KLHL25: variants seen among roughly 807,000 people sequenced by gnomAD.
KLHL25 encodes kelch like family member 25.
Under a neutral mutation model 30.0 loss-of-function variants are expected in KLHL25, and 41 were observed. The ratio of observed to expected loss-of-function variants is 1.37; its 90% CI spans 1.07 to 1.78. The LOEUF (loss-of-function observed/expected upper bound fraction) is 1.78, where lower values mean the gene tolerates loss of function less well. Ranked by LOEUF, KLHL25 falls within the 40% of genes most tolerant of loss-of-function variation. The pLI is 0.00. For missense variants in KLHL25, 971 were observed against 824.5 expected, an observed-to-expected ratio of 1.18 and a Z score of -2.18; for synonymous variants, 399 against 355.3, an observed-to-expected ratio of 1.12 and a Z score of -1.38.
chr15:85,778,471 C>G (rs1011416674), intron 1 of KLHL25, among the ~76,000 whole-genome samples: 1 of 152,234 alleles, frequency 6.6e-6, no homozygotes, highest in Non-Finnish European at 1.5e-5. Flanking sequence ...CAGCACTTCA[C>G]GTGTTAACTC....
At chr15:85,779,771 A>C (rs1198303844) in intron 1 of KLHL25, among the ~76,000 whole-genome samples, 10 of 152,200 alleles carry the variant, frequency 6.6e-5, no homozygotes, top group Non-Finnish European at 1.5e-4. Flanking sequence ...AGCCCTCAGG[A>C]ACCTTAGTCT....
At chr15:85,766,915 C>A (rs73456384) in intron 2 of KLHL25, among the ~76,000 whole-genome samples, 6,230 of 152,238 alleles carry the variant, frequency 0.041, 411 homozygotes, top group African/African-American at 0.14. Context: ...TCCCACCATG[C>A]AGGCTTTGGT....
chr15:85,763,153 G>C (rs1243041185), intron 2 of KLHL25: 4 of 152,464 alleles, frequency 2.6e-5, no homozygotes, highest in Admixed American at 2.6e-4. Context: ...ATCACCCTTA[G>C]TGGGTAAGCG....
chr15:85,794,175 G>A (rs977062370), intron 1 of KLHL25, among the ~76,000 whole-genome samples: 2 of 152,236 alleles, frequency 1.3e-5, no homozygotes, highest in African/African-American at 4.8e-5. Flanking sequence ...ACAGGTGGGT[G>A]TGCCTTTGAG....
chr15:85,791,564 T>G (rs2089817002), intron 1 of KLHL25, among the ~76,000 whole-genome samples: 1 of 151,974 alleles, frequency 6.6e-6, no homozygotes, highest in Non-Finnish European at 1.5e-5. Context: ...GGGACAGGGC[T>G]TGGAAGGAAA....
intron 2 of KLHL25, 144 bp downstream of exon 2, chr15:85,767,873 T>G: frequency 1.7e-6 from 1 of 586,494 alleles, no homozygotes; most frequent in Non-Finnish European, 3.0e-6. Flanking sequence ...AGCCAGGATT[T>G]GACTCCAGAG....
chr15:85,787,709 C>T (rs562147843), intron 1 of KLHL25, among the ~76,000 whole-genome samples: 7 of 152,200 alleles, frequency 4.6e-5, no homozygotes, highest in South Asian at 2.1e-4. Context: ...AATATGACGA[C>T]GCTGTGAAAA....
In KLHL25 at chr15:85,794,789, G is replaced by T. The variant is rs1033347779; in HGVS notation, c.-34C>A. On this transcript the variant is annotated 5_prime_UTR_variant, in exon 1 of 3. Transcript: ENST00000337975. ...ACTGCCGGAGACGATCCCCGCCGCC[G>T]CCGCCGCCTCAGAGACCACTCCCGG... is the stretch of plus-strand genomic sequence containing the variant. 1.3e-5 allele frequency: 2 copies of T among 152,702 alleles called. No homozygotes were observed. Among genetic ancestry groups the T allele is most frequent in the Non-Finnish European group, 2.9e-5 (2 of 68,338 alleles). The allele number at this position is 152,702 out of a possible 1,614,324, so 9.5% of individuals were successfully genotyped here. A position where few individuals can be genotyped will look rare whatever the true frequency, so the allele number is the denominator to read the frequency against.
chr15:85,792,668 GC>G (rs1457342050), intron 1 of KLHL25, among the ~76,000 whole-genome samples: 2 of 152,288 alleles, frequency 1.3e-5, no homozygotes, highest in East Asian at 1.9e-4. Context: ...ATTCTCCATG[GC>G]CTCAACCTGT....
chr15:85,766,352 G>A (rs182465949), intron 2 of KLHL25, among the ~76,000 whole-genome samples: 5 of 152,306 alleles, frequency 3.3e-5, no homozygotes, highest in Admixed American at 3.3e-4. Context: ...AGCATGAGCC[G>A]GGAGAATGGC....
At chr15:85,794,738 G>A (rs904531700) in intron 1 of KLHL25, 28 bp downstream of exon 1, 1 of 152,202 alleles carries the variant, frequency 6.6e-6, no homozygotes, top group Non-Finnish European at 1.5e-5. Context: ...GCCAGAGCAC[G>A]GCGTCCCCGC....
At chr15:85,788,827 G>C (rs145101236) in intron 1 of KLHL25, among the ~76,000 whole-genome samples, 1 of 152,166 alleles carries the variant, frequency 6.6e-6, no homozygotes, top group African/African-American at 2.4e-5. Context: ...CAACAAAAGC[G>C]TTCACAGGTT....
At chr15:85,767,404 T>C (rs1046927535) in intron 2 of KLHL25, among the ~76,000 whole-genome samples, 5 of 152,280 alleles carry the variant, frequency 3.3e-5, no homozygotes, top group African/African-American at 7.2e-5. Flanking sequence ...CCGGGCCTGG[T>C]TGGCAATCTT....
At chr15:85,763,125 G>A (rs2089594647) in intron 2 of KLHL25, 1 of 152,486 alleles carries the variant, frequency 6.6e-6, no homozygotes, top group South Asian at 2.1e-4. Flanking sequence ...GAGAGAAGGA[G>A]AGAATGTTCA....
At chr15:85,792,644 C>T (rs2089825515) in intron 1 of KLHL25, among the ~76,000 whole-genome samples, 1 of 152,194 alleles carries the variant, frequency 6.6e-6, no homozygotes, top group Non-Finnish European at 1.5e-5. Flanking sequence ...AACCTTCTAC[C>T]ACCTCCCACT....
intron 2 of KLHL25, among the ~76,000 whole-genome samples, chr15:85,767,485 C>A (rs1359576098): frequency 6.6e-6 from 1 of 152,240 alleles, no homozygotes. Context: ...GGGCCATTCT[C>A]CTGGACTCTG....
At chr15:85,794,051 G>A (rs1379651418) in intron 1 of KLHL25, among the ~76,000 whole-genome samples, 2 of 152,220 alleles carry the variant, frequency 1.3e-5, no homozygotes, top group Non-Finnish European at 2.9e-5. Flanking sequence ...AAGAGACAGG[G>A]GGAGTGGGGG....
At chr15:85,788,966 TCAGA>T (rs891649601) in intron 1 of KLHL25, among the ~76,000 whole-genome samples, 30 of 152,312 alleles carry the variant, frequency 2.0e-4, no homozygotes, top group African/African-American at 7.2e-4. Context: ...CTCACTCCTC[TCAGA>T]CAAATTGGCC....
In KLHL25 at chr15:85,768,770, G is replaced by C. The variant is rs1306309493; in HGVS notation, c.1041C>G (p.Gly347=). The C allele has an allele frequency of 6.2e-7, 1 of 1,612,854 alleles. No individual in the cohort carries two copies. Among genetic ancestry groups the C allele is most frequent in the African/African-American group, 1.3e-5 (1 of 74,954 alleles). Reference sequence around the variant, plus strand: ...TGGAGACCCCGTTCTCGGAGCCCCTGCCCCCCGTCACATAGACCTTGCAGC... The same window carrying C: ...TGGAGACCCCGTTCTCGGAGCCCCTCCCCCCCGTCACATAGACCTTGCAGC... ...AIGCKVYVTG[G]RGSENGVSKD... The change falls in exon 2 of 3, where the codon GGC becomes GGG. Residue 347 remains glycine (G), a synonymous_variant. Coordinates refer to ENST00000337975, the MANE Select transcript of KLHL25 (RefSeq NM_022480.4).
Sources: allele counts gnomAD v4.1 joint callset (sites outside exome capture counted in the v4.1 genomes callset), GRCh38; gene constraint gnomAD v4.1.1; transcripts MANE v1.5; gene names NCBI Gene and HGNC (gene_info 2026-07-23, HGNC 2026-07-21).